The following ADAM9 variants were observed in gnomAD, a reference collection of about 807,000 sequenced individuals.
ADAM9 encodes ADAM metallopeptidase domain 9, also known as disintegrin and metalloproteinase domain-containing protein 9.
Under a neutral mutation model 108.1 loss-of-function variants are expected in ADAM9, and 54 were observed. The ratio of observed to expected loss-of-function variants is 0.50; its 90% confidence interval spans 0.40 to 0.63. The LOEUF (loss-of-function observed/expected upper bound fraction) is 0.63, where lower values mean the gene tolerates loss of function less well. Among genes scored for constraint, ADAM9 ranks in the 20% least tolerant of loss-of-function variants. ADAM9 has a pLI of 0.00. For synonymous variants in ADAM9, 316 were observed against 336.0 expected (o/e 0.94, Z 0.65); for missense variants, 830 against 997.7 (o/e 0.83, Z 2.26).
chr8:39,084,803 G>T lies in ADAM9; in HGVS notation c.2068+1730G>T, dbSNP rs145086414. Among the ~76,000 whole-genome samples the T allele has an allele frequency of 5.2e-3, 789 of 151,902 alleles. 8 individuals are homozygous for T. Among genetic ancestry groups the T allele is most frequent in the Middle Eastern group, 0.031 (9 of 292 alleles). On this transcript the variant is annotated intron_variant, in intron 18 of 21. Transcript: ENST00000487273. ...ATTGAGAGGAATATTGAGTTCTTTG[G>T]CTATAACTGCCAATTTGCCTATTTC... is the stretch of plus-strand genomic sequence containing the variant.
intron 7 of ADAM9, among the ~76,000 whole-genome samples, chr8:39,020,462 G>A (rs1168679894): frequency 6.6e-6 from 1 of 151,916 alleles, no homozygotes; most frequent in African/African-American, 2.4e-5. Flanking sequence ...TGATACTAAT[G>A]CTTTTAGCAT....
intron 13 of ADAM9, among the ~76,000 whole-genome samples, chr8:39,054,921 C>T (rs568727062): frequency 2.8e-4 from 42 of 152,078 alleles, no homozygotes; most frequent in African/African-American, 9.9e-4. Context: ...TTAATATAAT[C>T]ACGTTTTTTC....
Position 39,011,812 on chromosome 8 carries a change from C to T in ADAM9, c.254+96C>T, listed in dbSNP as rs935409048. The T allele has an allele frequency of 1.7e-5, 20 of 1,206,166 alleles. No individual in the cohort carries two copies. In the African/African-American group the frequency reaches 2.7e-4, roughly 16 times the overall value. The allele number at this position is 1,206,166 out of a possible 1,614,324, so 74.7% of individuals were successfully genotyped here. A position where few individuals can be genotyped will look rare whatever the true frequency, so the allele number is the denominator to read the frequency against. Reference sequence around the variant, plus strand: ...TGATATGGTTTAGTGGATCCTGAACCCTGGGATTAAGCAGATTTAGCTCTT... The same window carrying T: ...TGATATGGTTTAGTGGATCCTGAACTCTGGGATTAAGCAGATTTAGCTCTT... On this transcript the variant is annotated intron_variant, in intron 3 of 21. Coordinates refer to ENST00000487273, the MANE Select transcript of ADAM9 (RefSeq NM_003816.3).
chr8:39,061,582 A>G (rs968027998), intron 14 of ADAM9, among the ~76,000 whole-genome samples: 1 of 152,180 alleles, frequency 6.6e-6, no homozygotes, highest in Non-Finnish European at 1.5e-5. Context: ...TATTATAACA[A>G]AATGCCACAG....
rs1441307420 is a variant in ADAM9 at position 38,997,080 on chromosome 8, G to T, written c.17G>T (p.Arg6Leu). MGSGA[R>L]FPSGTLRVRW... ...TCGGCCGAGATGGGGTCTGGCGCGC[G>T]CTTTCCCTCGGGGACCCTTCGTGTC... The change falls in exon 1 of 22, where the codon CGC becomes CTC. Residue 6 changes from arginine to leucine, a missense_variant. This residue lies in a region of ADAM9 where 211 missense variants were observed against 222.2 expected (regional missense o/e 0.95). Coordinates refer to ENST00000487273, the MANE Select transcript of ADAM9 (RefSeq NM_003816.3). The T allele has an allele frequency of 2.5e-6, 4 of 1,607,766 alleles. No homozygotes were observed. In the Admixed American group the frequency reaches 6.7e-5, roughly 27 times the overall value.
intron 12 of ADAM9, among the ~76,000 whole-genome samples, chr8:39,047,551 G>A (rs527958917): frequency 5.5e-4 from 83 of 151,950 alleles, no homozygotes; most frequent in African/African-American, 2.0e-3. Context: ...GAATTTATCC[G>A]TTTCTTTTAG....
At chr8:39,046,673 G>A (rs1053933725) in intron 12 of ADAM9, among the ~76,000 whole-genome samples, 7 of 152,200 alleles carry the variant, frequency 4.6e-5, no homozygotes, top group South Asian at 2.1e-4. Context: ...ATGAAAGGGT[G>A]TAGAATTTTA....
chr8:39,029,046 G>A (rs1837014831), intron 11 of ADAM9, among the ~76,000 whole-genome samples: 1 of 151,796 alleles, frequency 6.6e-6, no homozygotes, highest in Non-Finnish European at 1.5e-5. Context: ...AGTGCATATT[G>A]ACGTTTAAAT....
intron 20 of ADAM9, among the ~76,000 whole-genome samples, chr8:39,097,204 A>T (rs970956406): frequency 6.6e-6 from 1 of 151,560 alleles, no homozygotes; most frequent in Non-Finnish European, 1.5e-5. Flanking sequence ...TTTTTTGGGG[A>T]TGTGTCCTCT....
intron 11 of ADAM9, among the ~76,000 whole-genome samples, chr8:39,039,044 A>G (rs961007150): frequency 2.6e-5 from 4 of 152,186 alleles, no homozygotes; most frequent in African/African-American, 9.7e-5. Context: ...AGTCAGTACT[A>G]TCAACTTTTC....
intron 2 of ADAM9, among the ~76,000 whole-genome samples, chr8:39,010,485 G>A (rs555732602): frequency 6.6e-6 from 1 of 152,312 alleles, no homozygotes; most frequent in South Asian, 2.1e-4. Flanking sequence ...GCTGTTTCTT[G>A]ACAAAAGGTT....
rs894157093 is a variant in ADAM9, at chr8:39,015,952, T to A, written c.334-166T>A. Reference sequence around the variant, plus strand: ...AGGGTGGTAGGAGATAGTCCGCAGATGGTCTAAAGAATGCCATGTGATACT... The same window carrying A: ...AGGGTGGTAGGAGATAGTCCGCAGAAGGTCTAAAGAATGCCATGTGATACT... On this transcript the variant is annotated intron_variant, in intron 4 of 21. Coordinates refer to ENST00000487273, the MANE Select transcript of ADAM9 (RefSeq NM_003816.3). 9.2e-6 allele frequency: 6 copies of A among 651,098 alleles called. No individual in the cohort carries two copies. The African/African-American group carries it at 1.1e-4, about 12-fold the overall frequency. The allele number at this position is 651,098 out of a possible 1,614,324, so 40.3% of individuals were successfully genotyped here. A position where few individuals can be genotyped will look rare whatever the true frequency, so the allele number is the denominator to read the frequency against.
chr8:39,045,385 G>GGTGC lies in ADAM9; in HGVS notation c.1302+3271_1302+3272insCGTG, dbSNP rs1554579181. Among the ~76,000 whole-genome samples the GGTGC allele has an allele frequency of 1.9e-4, 3 of 15,950 alleles. 1 individual carries two copies. The highest frequency in any genetic ancestry group is 4.8e-4 in the African/African-American group (2 of 4,166). The allele number at this position is 15,950 out of a possible 152,430, so 10.5% of individuals were successfully genotyped here. Reference sequence around the variant, plus strand: ...ATAGGTGTGTGTACATACACCTATAGGTGTGTGTACACACACCTATATGTG... The same window carrying GGTGC: ...ATAGGTGTGTGTACATACACCTATAGGTGCGTGTGTGTACACACACCTATATGTG... On this transcript the variant is annotated intron_variant, in intron 12 of 21. Transcript: ENST00000487273.
chr8:39,012,642 T>C (rs1024155985), intron 3 of ADAM9, among the ~76,000 whole-genome samples: 2 of 152,166 alleles, frequency 1.3e-5, no homozygotes, highest in Admixed American at 6.5e-5. Context: ...TCATGTCCTT[T>C]GTAGGGACAT....
chr8:39,053,050 C>T (rs549660731), intron 12 of ADAM9, among the ~76,000 whole-genome samples: 20 of 152,210 alleles, frequency 1.3e-4, no homozygotes, highest in African/African-American at 4.8e-4. Flanking sequence ...GGTGGTGCCT[C>T]ATTGAGGTTT....
At chr8:39,035,498 A>G (rs1193558662) in intron 11 of ADAM9, among the ~76,000 whole-genome samples, 1 of 151,938 alleles carries the variant, frequency 6.6e-6, no homozygotes, top group Non-Finnish European at 1.5e-5. Context: ...TATATTGTGT[A>G]GCTGTTATAT....
rs1175085335 is a variant in ADAM9 at position 39,071,276 on chromosome 8, T to G, written c.1592-22T>G. ...AATTGCCATAACTTTTTTTTTCTTT[T>G]TTTAAATGTTTAATGTTACAGAAGC... On this transcript the variant is annotated intron_variant, in intron 14 of 21. Coordinates refer to ENST00000487273, the MANE Select transcript of ADAM9 (RefSeq NM_003816.3). The G allele has an allele frequency of 6.2e-6, 10 of 1,610,374 alleles. No homozygotes were observed. In the Admixed American group the frequency reaches 6.7e-5, roughly 11 times the overall value.
chr8:39,061,906 A>C (rs535385752), intron 14 of ADAM9, among the ~76,000 whole-genome samples: 1 of 152,316 alleles, frequency 6.6e-6, no homozygotes, highest in East Asian at 1.9e-4. Context: ...CTAACAAGAT[A>C]TACTGTAGAC....
At chr8:39,029,010 G>A (rs1227373538) in intron 11 of ADAM9, among the ~76,000 whole-genome samples, 1 of 151,862 alleles carries the variant, frequency 6.6e-6, no homozygotes, top group African/African-American at 2.4e-5. Flanking sequence ...GAGGAGAATG[G>A]TATTTTTGAA....
Sources: gnomAD v4.1 joint callset for allele counts (sites outside exome capture counted in the v4.1 genomes callset) on GRCh38, gnomAD v4.1.1 for gene constraint, gnomAD v4.1.1 regional missense constraint, MANE v1.5 for transcripts, NCBI Gene and HGNC (gene_info 2026-07-23, HGNC 2026-07-21) for gene names.